TMCO2: variants seen among roughly 807,000 people sequenced by gnomAD.
TMCO2 encodes transmembrane and coiled-coil domains 2.
Under a neutral mutation model 18.0 loss-of-function variants are expected in TMCO2, and 15 were observed. The observed-to-expected ratio is 0.84, with a 90% confidence interval of 0.56 to 1.29. The LOEUF (loss-of-function observed/expected upper bound fraction) is 1.29. Among genes scored for constraint, TMCO2 ranks in the 50% most tolerant of loss-of-function variants. TMCO2 has a pLI of 0.00. For missense variants in TMCO2, 182 were observed against 200.9 expected (o/e 0.91, Z 0.57); for synonymous variants, 79 against 75.9 (o/e 1.04, Z -0.21).
Position 40,248,722 on chromosome 1 carries a change from G to C in TMCO2, c.237+492G>C, listed in dbSNP as rs72939328. On this transcript the variant is annotated intron_variant, in intron 1 of 1. Transcript: ENST00000372766. ...TCTTTGGGGAGTAGGAATTTAACTGGCTGGGATTGTGAGAGACAGGATTTT... is the reference window on the plus strand; with the variant it reads ...TCTTTGGGGAGTAGGAATTTAACTGCCTGGGATTGTGAGAGACAGGATTTT... Among the ~76,000 whole-genome samples, 329 of 152,302 alleles carry C rather than the reference G, an allele frequency of 2.2e-3. 2 individuals carry two copies. The highest frequency in any genetic ancestry group is 7.6e-3 in the African/African-American group (315 of 41,566).
intron 1 of TMCO2, among the ~76,000 whole-genome samples, chr1:40,249,532 T>C (rs1243089535): frequency 6.7e-6 from 1 of 149,956 alleles, no homozygotes; most frequent in Non-Finnish European, 1.5e-5. Context: ...TGAGCCAAGA[T>C]CGTGCCACTG....
Position 40,251,655 on chromosome 1 carries a change from T to C in TMCO2, c.*61T>C. On this transcript the variant is annotated 3_prime_UTR_variant, in exon 2 of 2. Transcript: ENST00000372766. Reference sequence around the variant, plus strand: ...TGTTTCCCTCATGTGTGCAGTGGTGTATCAATAAAGATAGAGAACGCTATT... The same window carrying C: ...TGTTTCCCTCATGTGTGCAGTGGTGCATCAATAAAGATAGAGAACGCTATT... 6.5e-7 allele frequency: 1 copy of C among 1,530,502 alleles called. No homozygotes were observed. Among genetic ancestry groups the C allele is most frequent in the Non-Finnish European group, 8.9e-7 (1 of 1,128,830 alleles). 94.8% of individuals were successfully genotyped at this position (1,530,502 alleles called of 1,614,324 possible). A position where few individuals can be genotyped will look rare whatever the true frequency, so the allele number is the denominator to read the frequency against.
chr1:40,248,287 C>A lies in TMCO2; in HGVS notation c.237+57C>A, dbSNP rs1449821207. On this transcript the variant is annotated intron_variant, in intron 1 of 1. Coordinates refer to ENST00000372766, the MANE Select transcript of TMCO2 (RefSeq NM_001008740.4). ...GTTATAAATTGAAATTTGATTAGTTCTCTCCCATATTGCTGCCACCAGTTT... is the reference window on the plus strand; with the variant it reads ...GTTATAAATTGAAATTTGATTAGTTATCTCCCATATTGCTGCCACCAGTTT... The A allele has an allele frequency of 3.2e-5, 45 of 1,426,538 alleles. No individual in the cohort carries two copies. The Admixed American group carries it at 7.3e-4, about 23-fold the overall frequency. 88.4% of individuals were successfully genotyped at this position (1,426,538 alleles called of 1,614,324 possible). A position where few individuals can be genotyped will look rare whatever the true frequency, so the allele number is the denominator to read the frequency against.
chr1:40,250,002 T>C (rs1643368843), intron 1 of TMCO2, among the ~76,000 whole-genome samples: 1 of 151,004 alleles, frequency 6.6e-6, no homozygotes, highest in African/African-American at 2.5e-5. Flanking sequence ...TTTTATTTTT[T>C]TTTTATGTTT....
chr1:40,251,348 T>A lies in TMCO2; in HGVS notation c.303T>A (p.Ala101=). The A allele has an allele frequency of 6.2e-7, 1 of 1,613,954 alleles. No individual in the cohort carries two copies. The highest frequency in any genetic ancestry group is 2.2e-5 in the East Asian group (1 of 44,886). Residue 101 remains alanine, a synonymous_variant, in exon 2 of 2, where the codon GCT becomes GCA. Coordinates refer to ENST00000372766, the MANE Select transcript of TMCO2 (RefSeq NM_001008740.4). The part of the protein sequence containing the change: ...LYKKGSHIFE[A]LLANPEGSGL... ...AGAAGGGCTCACATATTTTTGAGGC[T>A]TTGCTAGCCAACCCAGAAGGAAGTG...
Position 40,250,332 on chromosome 1 carries a change from T to C in TMCO2, c.238-951T>C, listed in dbSNP as rs181203046. On this transcript the variant is annotated intron_variant, in intron 1 of 1. Transcript: ENST00000372766. ...TATATAAATAAAATATATATATATA[T>C]ACATTAATTTTTTTAAGAGACAGGG... Among the ~76,000 whole-genome samples the C allele has an allele frequency of 1.7e-3, 257 of 150,086 alleles. 3 individuals are homozygous for C. Among genetic ancestry groups the C allele is most frequent in the African/African-American group, 3.6e-3 (148 of 40,876 alleles).
In TMCO2 at chr1:40,251,500, C is replaced by T; in HGVS notation, c.455C>T (p.Pro152Leu). ...NLEGIIVAQKPATKRDCSSEP... is the reference protein window; with the variant it reads ...NLEGIIVAQKLATKRDCSSEP... ...GAAGGGATAATCGTTGCTCAAAAAC[C>T]TGCCACGAAGAGGGATTGCTCCTCT... The change falls in exon 2 of 2, where the codon CCT (proline) becomes CTT (leucine). Residue 152 changes from proline (P) to leucine (L), a missense_variant. Physicochemically the swap from Pro to Leu is moderately conservative, Grantham distance 98. Coordinates refer to ENST00000372766, the MANE Select transcript of TMCO2 (RefSeq NM_001008740.4). 1 of 1,613,900 alleles carries T rather than the reference C, an allele frequency of 6.2e-7. No homozygotes were observed. Among genetic ancestry groups the T allele is most frequent in the Non-Finnish European group, 8.5e-7 (1 of 1,179,980 alleles).
rs1440746226 is a variant in TMCO2 at position 40,251,436 on chromosome 1, A to G, written c.391A>G (p.Lys131Glu). The G allele has an allele frequency of 6.2e-7, 1 of 1,613,804 alleles. No individual in the cohort carries two copies. Among genetic ancestry groups the G allele is most frequent in the Non-Finnish European group, 8.5e-7 (1 of 1,179,954 alleles). Residue 131 changes from lysine (K) to glutamate (E), a missense_variant, in exon 2 of 2, where the codon AAA becomes GAA. Coordinates refer to ENST00000372766, the MANE Select transcript of TMCO2 (RefSeq NM_001008740.4). ...LSLGLQEKIL[K>E]KLKTVENKMK... Reference sequence around the variant, plus strand: ...CTTGGGTCTGCAAGAGAAAATTTTGAAAAAACTTAAGACAGTGGAAAACAA... The same window carrying G: ...CTTGGGTCTGCAAGAGAAAATTTTGGAAAAACTTAAGACAGTGGAAAACAA...
chr1:40,249,307 G>A (rs1003540621), intron 1 of TMCO2, among the ~76,000 whole-genome samples: 10 of 149,442 alleles, frequency 6.7e-5, no homozygotes, highest in Admixed American at 2.7e-4. Flanking sequence ...GTGTGTACGC[G>A]CATGCGCATA....
At chr1:40,250,318 A>AAAAAATATAT (rs1553178359) in intron 1 of TMCO2, among the ~76,000 whole-genome samples, 316 of 145,802 alleles carry the variant, frequency 2.2e-3, no homozygotes, top group African/African-American at 7.9e-3. Context: ...ATATAAATAA[A>AAAAAATATAT]ATATATATAT....
chr1:40,250,998 G>T (rs972798514), intron 1 of TMCO2, among the ~76,000 whole-genome samples: 1 of 152,046 alleles, frequency 6.6e-6, no homozygotes, highest in Non-Finnish European at 1.5e-5. Flanking sequence ...TTAGCCGGGC[G>T]TGGTGGTGGG....
At chr1:40,249,031 C>T (rs956812747) in intron 1 of TMCO2, among the ~76,000 whole-genome samples, 6 of 152,030 alleles carry the variant, frequency 3.9e-5, no homozygotes, top group East Asian at 1.9e-4. Context: ...ATCATGGTCA[C>T]GGGGCCTTTC....
At position 40,251,661 on chromosome 1, in the gene TMCO2, T is replaced by A. The variant is rs1355393970; in HGVS notation, c.*67T>A. ...CCTCATGTGTGCAGTGGTGTATCAA[T>A]AAAGATAGAGAACGCTATTGAAATT... On this transcript the variant is annotated 3_prime_UTR_variant, in exon 2 of 2. Transcript: ENST00000372766. 4 of 1,512,534 alleles carry A rather than the reference T, an allele frequency of 2.6e-6. No individual in the cohort carries two copies. Among genetic ancestry groups the A allele is most frequent in the Non-Finnish European group, 3.6e-6 (4 of 1,113,630 alleles). The allele number at this position is 1,512,534 out of a possible 1,614,324, so 93.7% of individuals were successfully genotyped here. A position where few individuals can be genotyped will look rare whatever the true frequency, so the allele number is the denominator to read the frequency against.
intron 1 of TMCO2, 53 bp from the exon 2 acceptor site, chr1:40,251,228 CTT>C (rs1643381051): frequency 2.7e-6 from 4 of 1,479,144 alleles, no homozygotes; most frequent in African/African-American, 1.4e-5. Flanking sequence ...TTGTTTTTCT[CTT>C]ATAGATAGTA....
At position 40,251,611 on chromosome 1, in the gene TMCO2, A is replaced by G. The variant is rs545519734; in HGVS notation, c.*17A>G. The G allele has an allele frequency of 4.6e-5, 73 of 1,589,794 alleles. No homozygotes were observed. Among genetic ancestry groups the G allele is most frequent in the Admixed American group, 1.4e-4 (7 of 50,770 alleles). On this transcript the variant is annotated 3_prime_UTR_variant, in exon 2 of 2. Transcript: ENST00000372766. ...CCCATTTGAAATGTGATGGACTCCAATCTTTTCCAGGAAAGCACTGTTTCC... is the reference window on the plus strand; with the variant it reads ...CCCATTTGAAATGTGATGGACTCCAGTCTTTTCCAGGAAAGCACTGTTTCC...
chr1:40,250,876 G>A (rs1414774447), intron 1 of TMCO2, among the ~76,000 whole-genome samples: 1 of 152,172 alleles, frequency 6.6e-6, no homozygotes, highest in East Asian at 1.9e-4. Context: ...GGTGGCTTAC[G>A]CCTGTAATCC....
intron 1 of TMCO2, among the ~76,000 whole-genome samples, chr1:40,249,176 G>A (rs532935297): frequency 2.0e-5 from 3 of 151,206 alleles, no homozygotes; most frequent in South Asian, 2.1e-4. Flanking sequence ...AGTTTGAATC[G>A]AATTTTTAGG....
chr1:40,251,124 G>A (rs1210884481), intron 1 of TMCO2, among the ~76,000 whole-genome samples, 159 bp from the exon 2 acceptor site: 2 of 100,720 alleles, frequency 2.0e-5, no homozygotes, highest in African/African-American at 4.7e-5. Flanking sequence ...GTGACAGAGT[G>A]AAACTCCATC....
Position 40,248,160 on chromosome 1 carries a change from G to A in TMCO2, c.167G>A (p.Arg56Lys), listed in dbSNP as rs1219892435. 4 of 1,613,878 alleles carry A rather than the reference G, an allele frequency of 2.5e-6. No homozygotes were observed. In the African/African-American group the frequency reaches 4.0e-5, roughly 16 times the overall value. Residue 56 changes from arginine to lysine, a missense_variant, in exon 1 of 2, where the codon AGG (arginine) becomes AAG (lysine). Coordinates refer to ENST00000372766, the MANE Select transcript of TMCO2 (RefSeq NM_001008740.4). ...GCTCCAGCTGTGCAAATCATCTTGA[G>A]GATTTCTTTCTTGATTTTATTGGGA... is the stretch of plus-strand genomic sequence containing the variant. Reference protein sequence around the residue: ...NLAPAVQIILRISFLILLGIG... With the variant: ...NLAPAVQIILKISFLILLGIG...
Sources: allele counts gnomAD v4.1 joint callset (sites outside exome capture counted in the v4.1 genomes callset), GRCh38; gene constraint gnomAD v4.1.1; transcripts MANE v1.5; gene names NCBI Gene and HGNC (gene_info 2026-07-23, HGNC 2026-07-21).